DAPK1: variants seen among roughly 807,000 people sequenced by gnomAD.
The protein encoded by DAPK1 is death-associated protein kinase 1.
Under a neutral mutation model 144.9 loss-of-function variants are expected in DAPK1, and 56 were observed. The ratio of observed to expected loss-of-function variants is 0.39; its 90% CI spans 0.31 to 0.48. The LOEUF is 0.48. DAPK1 is among the 20% of genes least tolerant of loss of function. DAPK1 has a pLI of 0.95. For missense variants in DAPK1, 1,454 were observed against 1,875.4 expected (o/e 0.78, Z 4.15); for synonymous variants, 690 against 749.0 (o/e 0.92, Z 1.29).
intron 2 of DAPK1, among the ~76,000 whole-genome samples, chr9:87,510,464 A>G (rs1012531157): frequency 4.6e-5 from 7 of 152,170 alleles, no homozygotes; most frequent in African/African-American, 1.2e-4. Context: ...TCTCCTGGCA[A>G]CCTCTCCAGA....
chr9:87,609,072 G>A (rs142705887), intron 3 of DAPK1, among the ~76,000 whole-genome samples: 22 of 152,212 alleles, frequency 1.4e-4, no homozygotes, highest in African/African-American at 3.4e-4. Flanking sequence ...CGGGAGGCCC[G>A]AATAGAACAA....
intron 3 of DAPK1, among the ~76,000 whole-genome samples, chr9:87,636,638 GC>G (rs1372527570): frequency 6.6e-6 from 1 of 152,144 alleles, no homozygotes; most frequent in Non-Finnish European, 1.5e-5. Flanking sequence ...TAAGAAAACA[GC>G]TTTTTTGTCA....
chr9:87,683,649 T>C (rs1824725539), intron 20 of DAPK1, among the ~76,000 whole-genome samples: 1 of 152,146 alleles, frequency 6.6e-6, no homozygotes, highest in Non-Finnish European at 1.5e-5. Context: ...AGAGGTGAGG[T>C]ATCCATGGCC....
At chr9:87,637,879 T>A in intron 3 of DAPK1, 64 bp from the exon 4 acceptor site, 1 of 1,568,552 alleles carries the variant, frequency 6.4e-7, no homozygotes, top group Non-Finnish European at 8.7e-7. Context: ...ACCAATAGTC[T>A]ATGAGAGAAG....
chr9:87,606,507 C>A, intron 3 of DAPK1, among the ~76,000 whole-genome samples: 1 of 134,540 alleles, frequency 7.4e-6, no homozygotes, highest in African/African-American at 2.8e-5. Context: ...CCCTCCCTCC[C>A]TCTCTCCTTC....
rs1346996227 is a variant in DAPK1 at position 87,706,209 on chromosome 9, G to A, written c.3138G>A (p.Gly1046=). The change falls in exon 26 of 26, where the codon GGG becomes GGA. Residue 1046 remains glycine, a synonymous_variant. Coordinates refer to ENST00000408954, the MANE Select transcript of DAPK1 (RefSeq NM_004938.4). This position sits in a 1 kb window ranked among gnomAD's most constrained non-coding sequence, Gnocchi z 9.0. ...DPRWLCTNVL[G]KLLSVETPRA... is the part of the protein sequence containing the mutation. The stretch of plus-strand genomic sequence containing the variant: ...GCTGGCTCTGCACAAACGTCCTGGG[G>A]AAGTTGCTGTCCGTGGAGACCCCAC... The A allele has an allele frequency of 6.2e-7, 1 of 1,613,192 alleles. No homozygotes were observed. Among genetic ancestry groups the A allele is most frequent in the Non-Finnish European group, 8.5e-7 (1 of 1,179,170 alleles).
chr9:87,547,602 T>TGTGTGC (rs1826303493), intron 2 of DAPK1, among the ~76,000 whole-genome samples: 1 of 150,442 alleles, frequency 6.6e-6, no homozygotes, highest in African/African-American at 2.5e-5. Context: ...TGTGTGTGTG[T>TGTGTGC]GTGCGTGTGT....
chr9:87,681,419 C>G lies in DAPK1; in HGVS notation c.2017C>G (p.Leu673Val), dbSNP rs753656837. ...ARLRKDTHRG[L>V]FIQQLRPTQN... ...CCATGCTCAGGATACGCACCGAGGA[C>G]TCTTCATCCAGCAGCTCCGACCCAC... The change falls in exon 20 of 26, where the codon CTC becomes GTC. Residue 673 changes from leucine (L) to valine (V), a missense_variant. By Grantham distance (32) the Leu-to-Val change is conservative (BLOSUM62 1). Around this residue, in one of 2 missense-constraint regions of DAPK1, gnomAD observed 1,025 missense variants for 1,237.9 expected, o/e 0.83. Coordinates refer to ENST00000408954, the MANE Select transcript of DAPK1 (RefSeq NM_004938.4). 6.2e-7 allele frequency: 1 copy of G among 1,606,148 alleles called. No homozygotes were observed. The highest frequency in any genetic ancestry group is 1.1e-5 in the South Asian group (1 of 90,900).
In DAPK1 at chr9:87,605,046, G is replaced by C. The variant is rs1159130810; in HGVS notation, c.155G>C (p.Ser52Thr). ...KFIKKRRTKS[S>T]RRGVSREDIE... is the part of the protein sequence containing the mutation. ...ATCAAGAAAAGGAGGACTAAGTCCA[G>C]CCGGCGGGGTGTGAGCCGCGAGGAC... The change falls in exon 3 of 26, where the codon AGC (serine) becomes ACC (threonine). Residue 52 changes from serine (S) to threonine (T), a missense_variant. Ser to Thr is a moderately conservative substitution (Grantham distance 58). Coordinates refer to ENST00000408954, the MANE Select transcript of DAPK1 (RefSeq NM_004938.4). 1 of 1,614,242 alleles carries C rather than the reference G, an allele frequency of 6.2e-7. No homozygotes were observed.
intron 2 of DAPK1, among the ~76,000 whole-genome samples, chr9:87,533,438 A>C (rs2118380832): frequency 6.6e-6 from 1 of 152,318 alleles, no homozygotes; most frequent in Non-Finnish European, 1.5e-5. Flanking sequence ...CCAGGTGCAC[A>C]GGTCCAAGAC....
chr9:87,556,675 G>A (rs956737234), intron 2 of DAPK1, among the ~76,000 whole-genome samples: 4 of 152,164 alleles, frequency 2.6e-5, no homozygotes, highest in African/African-American at 9.7e-5. Context: ...TCTTTCACTT[G>A]TGATCATGGT....
At chr9:87,590,681 G>A (rs371082267) in intron 2 of DAPK1, among the ~76,000 whole-genome samples, 6 of 152,168 alleles carry the variant, frequency 3.9e-5, no homozygotes, top group South Asian at 4.2e-4. Flanking sequence ...TGTAGCACCC[G>A]GGCTCAAGCC....
chr9:87,520,095 A>G (rs1164396818), intron 2 of DAPK1, among the ~76,000 whole-genome samples: 1 of 152,122 alleles, frequency 6.6e-6, no homozygotes, highest in Admixed American at 6.5e-5. Flanking sequence ...CTTCCCAGGT[A>G]AGTTTTAATT....
intron 19 of DAPK1, among the ~76,000 whole-genome samples, chr9:87,677,328 T>A (rs576216359): frequency 2.2e-4 from 34 of 152,270 alleles, no homozygotes; most frequent in Admixed American, 2.2e-3. Context: ...GCCTGCAGGT[T>A]CAGTCGCTTC....
intron 14 of DAPK1, among the ~76,000 whole-genome samples, chr9:87,648,178 A>G (rs571323026): frequency 3.8e-4 from 58 of 152,366 alleles, no homozygotes; most frequent in Non-Finnish European, 6.2e-4. Flanking sequence ...GCAACACTAT[A>G]TCTTGTTTTG....
Position 87,632,364 on chromosome 9 carries a change from G to C in DAPK1, c.285-5579G>C, listed in dbSNP as rs371596135. The C allele has an allele frequency of 1.1e-5, 11 of 984,674 alleles. No homozygotes were observed. In the East Asian group the frequency reaches 8.0e-4, roughly 71 times the overall value. 61.0% of individuals were successfully genotyped at this position (984,674 alleles called of 1,614,324 possible). A position where few individuals can be genotyped will look rare whatever the true frequency, so the allele number is the denominator to read the frequency against. On this transcript the variant is annotated intron_variant, in intron 3 of 25. Transcript: ENST00000408954. ...GATGAGTACATATGTAGGGATGAAG[G>C]AGGATGAGTGCATATGTAGAAATGA...
chr9:87,614,206 T>C (rs1218810226), intron 3 of DAPK1, among the ~76,000 whole-genome samples: 1 of 152,230 alleles, frequency 6.6e-6, no homozygotes, highest in East Asian at 1.9e-4. Flanking sequence ...GTGGATTATT[T>C]GATTTCTGCA....
chr9:87,660,664 CCAT>C (rs1446313375), intron 18 of DAPK1, among the ~76,000 whole-genome samples: 13 of 151,986 alleles, frequency 8.6e-5, no homozygotes. Flanking sequence ...TCCCCGTTGT[CCAT>C]CATTCCACAC....
intron 2 of DAPK1, among the ~76,000 whole-genome samples, chr9:87,585,753 C>T (rs1587741611): frequency 6.6e-6 from 1 of 152,186 alleles, no homozygotes; most frequent in East Asian, 1.9e-4. Flanking sequence ...TTTGACATGA[C>T]AGCCACAGGC....
Sources: gnomAD v4.1 joint callset for allele counts (sites outside exome capture counted in the v4.1 genomes callset) on GRCh38, gnomAD v4.1.1 for gene constraint, gnomAD v4.1.1 regional missense constraint, Gnocchi (gnomAD v3.1) non-coding constraint, MANE v1.5 for transcripts, NCBI Gene and HGNC (gene_info 2026-07-23, HGNC 2026-07-21) for gene names.